The following PRKCB variants were observed in gnomAD, a reference collection of about 807,000 sequenced individuals.
PRKCB encodes protein kinase C beta type.
In PRKCB, 13 loss-of-function variants were observed where a neutral mutation model predicts 81.5. That is an observed-to-expected ratio of 0.16 (90% CI 0.10 to 0.25). The LOEUF is 0.25. Ranked by LOEUF, PRKCB falls within the 10% of genes least tolerant of loss-of-function variation. The pLI is 1.00. For synonymous variants in PRKCB, 335 were observed against 321.4 expected (o/e 1.04, Z -0.45); for missense variants, 509 against 875.7 (o/e 0.58, Z 5.29).
Position 23,879,482 on chromosome 16 carries a change from C to CT in PRKCB, c.205+42112dup, listed in dbSNP as rs546638229. ...CTTTGTTGTTGGTCCTTTAGCTATC[C>CT]TTTTTTTTTTTTTTTTTTTTTTTTT... On this transcript the variant is annotated intron_variant, in intron 2 of 16. Coordinates refer to ENST00000643927, the MANE Select transcript of PRKCB (RefSeq NM_002738.7). Among the ~76,000 whole-genome samples the CT allele has an allele frequency of 5.4e-4, 45 of 83,182 alleles. 3 individuals are homozygous for CT. Among genetic ancestry groups the CT allele is most frequent in the Non-Finnish European group, 7.0e-4 (32 of 45,742 alleles). 54.6% of individuals were successfully genotyped at this position (83,182 alleles called of 152,430 possible).
In PRKCB at chr16:24,072,588, C is replaced by CTTTTTTTTT. The variant is rs1200526403; in HGVS notation, c.530-20201_530-20193dup. On this transcript the variant is annotated intron_variant, in intron 5 of 16. Transcript: ENST00000643927. The stretch of plus-strand genomic sequence containing the variant: ...TAACTCTCTCTTTCTCTCTCTCTCT[C>CTTTTTTTTT]TTTTTTTTTTGAGATGGAGTTTCCC... 3.5e-3 allele frequency among the ~76,000 whole-genome samples: 507 copies of CTTTTTTTTT among 143,898 alleles called. 4 individuals carry two copies. Among genetic ancestry groups the CTTTTTTTTT allele is most frequent in the Non-Finnish European group, 5.3e-3 (347 of 65,432 alleles). 94.4% of individuals were successfully genotyped at this position (143,898 alleles called of 152,430 possible).
intron 10 of PRKCB, among the ~76,000 whole-genome samples, chr16:24,168,582 ACT>A (rs1413505334): frequency 2.6e-5 from 2 of 76,670 alleles, no homozygotes; most frequent in Non-Finnish European, 5.2e-5. Flanking sequence ...AGACAGTTTC[ACT>A]CTGTTGCCTG....
chr16:24,102,786 T>C (rs938554471), intron 7 of PRKCB, among the ~76,000 whole-genome samples: 13 of 152,246 alleles, frequency 8.5e-5, no homozygotes, highest in Admixed American at 5.2e-4. Flanking sequence ...TGTTTTCTCC[T>C]TTTCTGTAGG....
chr16:23,929,826 A>G (rs973131651), intron 2 of PRKCB, among the ~76,000 whole-genome samples: 2 of 152,076 alleles, frequency 1.3e-5, no homozygotes, highest in Non-Finnish European at 2.9e-5. Context: ...TCTGGAGCCT[A>G]GATTTCAAAG....
At position 23,882,008 on chromosome 16, in the gene PRKCB, T is replaced by TTCTTTC. The variant is rs1555481664; in HGVS notation, c.205+44604_205+44609dup. 2.0e-4 allele frequency among the ~76,000 whole-genome samples: 20 copies of TTCTTTC among 97,906 alleles called. 2 individuals carry two copies. The highest frequency in any genetic ancestry group is 4.7e-4 in the African/African-American group (12 of 25,766). The allele number at this position is 97,906 out of a possible 152,430, so 64.2% of individuals were successfully genotyped here. The stretch of plus-strand genomic sequence containing the variant: ...TTTCTTTCTTTCTTTCTTTCTTTCT[T>TTCTTTC]TCTTTCTTTCTTTCTTCCTTCCTTC... On this transcript the variant is annotated intron_variant, in intron 2 of 16. Transcript: ENST00000643927.
At chr16:23,847,318 CTCTATCTATCTATCTA>C (rs746347042) in intron 2 of PRKCB, among the ~76,000 whole-genome samples, 13,328 of 144,108 alleles carry the variant, frequency 0.092, 1,167 homozygotes, top group Middle Eastern at 0.16. Context: ...ATGATCCTGC[CTCTATCTATCTATCTA>C]TCTATCTATC....
At chr16:24,157,370 G>A (rs745702435) in intron 10 of PRKCB, among the ~76,000 whole-genome samples, 1 of 152,160 alleles carries the variant, frequency 6.6e-6, no homozygotes, top group Non-Finnish European at 1.5e-5. Flanking sequence ...AATCATGGGG[G>A]CGGTTACCTC....
At chr16:23,837,083 T>C (rs1962174795) in intron 1 of PRKCB, 1 of 496,986 alleles carries the variant, frequency 2.0e-6, no homozygotes, top group African/African-American at 2.0e-5. Flanking sequence ...GGGGCATCTA[T>C]GGGTACATCT....
chr16:23,926,335 T>A (rs1161779768), intron 2 of PRKCB, among the ~76,000 whole-genome samples: 1 of 151,050 alleles, frequency 6.6e-6, no homozygotes, highest in Non-Finnish European at 1.5e-5. Context: ...AATACAAAAA[T>A]TAGCTGGGCA....
chr16:23,937,577 A>G (rs889506038), intron 2 of PRKCB, among the ~76,000 whole-genome samples: 5 of 152,326 alleles, frequency 3.3e-5, no homozygotes, highest in Admixed American at 1.3e-4. Context: ...TCTCAGTGAA[A>G]TATCCATTAA....
chr16:23,951,252 G>A lies in PRKCB; in HGVS notation c.206-37256G>A, dbSNP rs558723210. On this transcript the variant is annotated intron_variant, in intron 2 of 16. Coordinates refer to ENST00000643927, the MANE Select transcript of PRKCB (RefSeq NM_002738.7). ...TTCTTCCATCATTCTTTCAGCCCAC[G>A]TGGTTGCCAATACTGGGAGTTATCA... is the stretch of plus-strand genomic sequence containing the variant. 1.3e-4 allele frequency among the ~76,000 whole-genome samples: 20 copies of A among 152,278 alleles called. No homozygotes were observed. In the South Asian group the frequency reaches 2.7e-3, roughly 21 times the overall value.
intron 5 of PRKCB, among the ~76,000 whole-genome samples, chr16:24,054,423 G>A (rs1425589370): frequency 2.0e-5 from 3 of 152,180 alleles, no homozygotes; most frequent in Non-Finnish European, 4.4e-5. Flanking sequence ...CTGTAGAGGA[G>A]GCAACTGAAG....
chr16:23,855,358 C>G (rs1962547273), intron 2 of PRKCB, among the ~76,000 whole-genome samples: 1 of 152,066 alleles, frequency 6.6e-6, no homozygotes, highest in Admixed American at 6.6e-5. Context: ...GTTTCTTTGT[C>G]TGTGAAATGA....
chr16:23,937,075 G>T lies in PRKCB; in HGVS notation c.206-51433G>T, dbSNP rs190272255. On this transcript the variant is annotated intron_variant, in intron 2 of 16. Coordinates refer to ENST00000643927, the MANE Select transcript of PRKCB (RefSeq NM_002738.7). ...CTTTGAGGAACTTTCAGATGGGATA[G>T]TTGAAAAATGTACATCTAATGGTTT... is the stretch of plus-strand genomic sequence containing the variant. Among the ~76,000 whole-genome samples the T allele has an allele frequency of 4.6e-5, 7 of 152,306 alleles. No individual in the cohort carries two copies. The East Asian group carries it at 1.3e-3, about 29-fold the overall frequency.
chr16:24,166,245 A>C (rs1322639806), intron 10 of PRKCB, among the ~76,000 whole-genome samples: 1 of 152,190 alleles, frequency 6.6e-6, no homozygotes, highest in Non-Finnish European at 1.5e-5. Context: ...TATGAAGTTA[A>C]AATATTTTAA....
rs142005266 is a variant in PRKCB at position 23,937,014 on chromosome 16, G to A, written c.206-51494G>A. 1.6e-3 allele frequency among the ~76,000 whole-genome samples: 244 copies of A among 152,296 alleles called. 2 individuals carry two copies. The highest frequency in any genetic ancestry group is 5.5e-3 in the African/African-American group (229 of 41,564). ...CAGCTCTGCTTCTGAAATTGTAGTA[G>A]GTACAGGGTTTTCTTTTCTTTTTTT... On this transcript the variant is annotated intron_variant, in intron 2 of 16. Coordinates refer to ENST00000643927, the MANE Select transcript of PRKCB (RefSeq NM_002738.7).
At chr16:23,965,546 A>G (rs1346568835) in intron 2 of PRKCB, among the ~76,000 whole-genome samples, 1 of 152,240 alleles carries the variant, frequency 6.6e-6, no homozygotes, top group Admixed American at 6.5e-5. Context: ...ATCAATAATC[A>G]ATAATCATCA....
At chr16:23,961,974 C>A (rs141427227) in intron 2 of PRKCB, among the ~76,000 whole-genome samples, 1 of 152,034 alleles carries the variant, frequency 6.6e-6, no homozygotes, top group African/African-American at 2.4e-5. Context: ...GAGGTGATTT[C>A]GCAAAGGAAA....
chr16:24,096,043 T>A (rs1966434861), intron 7 of PRKCB, among the ~76,000 whole-genome samples: 1 of 152,066 alleles, frequency 6.6e-6, no homozygotes, highest in African/African-American at 2.4e-5. Flanking sequence ...CACCCCTGTA[T>A]TCCCAGCACT....
Sources: allele counts gnomAD v4.1 joint callset (sites outside exome capture counted in the v4.1 genomes callset), GRCh38; gene constraint gnomAD v4.1.1; transcripts MANE v1.5; gene names NCBI Gene and HGNC (gene_info 2026-07-23, HGNC 2026-07-21).